The following GRID2 variants were observed in gnomAD, a reference collection of about 807,000 sequenced individuals.
GRID2 encodes the protein glutamate ionotropic receptor delta type subunit 2.
Under a neutral mutation model 114.8 loss-of-function variants are expected in GRID2, and 33 were observed. The observed-to-expected ratio is 0.29, with a 90% CI of 0.22 to 0.38. GRID2 has a LOEUF of 0.38. Ranked by LOEUF, GRID2 falls within the 10% of genes least tolerant of loss-of-function variation. The pLI is 1.00. For synonymous variants in GRID2, 505 were observed against 449.9 expected (o/e 1.12, Z -1.55); for missense variants, 1,184 against 1,257.7 (o/e 0.94, Z 0.89).
intron 1 of GRID2, among the ~76,000 whole-genome samples, chr4:92,357,483 T>G (rs1023100666): frequency 2.0e-5 from 3 of 151,854 alleles, no homozygotes; most frequent in African/African-American, 7.2e-5. Context: ...ACTTTCACTC[T>G]GTTGGTAAGG....
intron 4 of GRID2, among the ~76,000 whole-genome samples, chr4:93,131,052 T>G (rs952601979): frequency 1.3e-5 from 2 of 152,092 alleles, no homozygotes; most frequent in Admixed American, 6.5e-5. Context: ...AAAGTAAAGA[T>G]TTTTTTCTTA....
At chr4:92,992,850 T>C (rs1754988563) in intron 2 of GRID2, among the ~76,000 whole-genome samples, 1 of 152,166 alleles carries the variant, frequency 6.6e-6, no homozygotes, top group African/African-American at 2.4e-5. Flanking sequence ...CTGTCTGCCT[T>C]TTCTCCTCTT....
intron 2 of GRID2, among the ~76,000 whole-genome samples, chr4:92,732,554 G>T (rs1579933832): frequency 2.0e-5 from 3 of 152,002 alleles, no homozygotes; most frequent in Admixed American, 2.0e-4. Context: ...GACATGATTA[G>T]ACTCCACTTA....
intron 3 of GRID2, among the ~76,000 whole-genome samples, chr4:93,108,717 A>G (rs1012112427): frequency 1.9e-4 from 28 of 143,770 alleles, no homozygotes; most frequent in Non-Finnish European, 2.3e-4. Context: ...TGCAACCTCC[A>G]CCTCCCGGGT....
At chr4:93,098,989 CTGTGTGTGTGTGTGTGTG>C (rs71579585) in intron 3 of GRID2, among the ~76,000 whole-genome samples, 44 of 138,908 alleles carry the variant, frequency 3.2e-4, no homozygotes, top group Admixed American at 1.1e-3. Context: ...AGATCATTTC[CTGTGTGTGTGTGTGTGTG>C]TGTGTGTGTG....
intron 2 of GRID2, among the ~76,000 whole-genome samples, chr4:92,875,295 T>C (rs1292328043): frequency 2.0e-5 from 3 of 151,708 alleles, no homozygotes; most frequent in African/African-American, 4.8e-5. Flanking sequence ...TCCTGAGTAG[T>C]TGGTATTACA....
At chr4:92,696,673 C>T (rs957311819) in intron 2 of GRID2, among the ~76,000 whole-genome samples, 3 of 152,048 alleles carry the variant, frequency 2.0e-5, no homozygotes, top group African/African-American at 7.2e-5. Context: ...ATCTAATCTA[C>T]CCATTTGCAA....
intron 1 of GRID2, among the ~76,000 whole-genome samples, chr4:92,384,465 T>G (rs1273573610): frequency 1.9e-5 from 1 of 52,318 alleles, no homozygotes; most frequent in Non-Finnish European, 3.2e-5. Flanking sequence ...TATATATATA[T>G]ATATATATAT....
intron 2 of GRID2, among the ~76,000 whole-genome samples, chr4:92,827,402 TA>T (rs869244288): frequency 0.036 from 4,807 of 134,744 alleles, 88 homozygotes; most frequent in Non-Finnish European, 0.052. Flanking sequence ...TCCTGAGATT[TA>T]AAAAAAAAAA....
At chr4:93,128,695 G>A (rs1270207376) in intron 4 of GRID2, among the ~76,000 whole-genome samples, 2 of 116,858 alleles carry the variant, frequency 1.7e-5, no homozygotes, top group Non-Finnish European at 1.7e-5. Context: ...TACAGAAAGC[G>A]GCATGAGCCT....
chr4:93,433,866 T>C (rs971948435), intron 10 of GRID2, among the ~76,000 whole-genome samples: 4 of 152,324 alleles, frequency 2.6e-5, no homozygotes, highest in African/African-American at 7.2e-5. Context: ...TTTTACACCC[T>C]CGTCATGTTC....
At chr4:93,098,654 G>T (rs1258786535) in intron 3 of GRID2, among the ~76,000 whole-genome samples, 1 of 151,860 alleles carries the variant, frequency 6.6e-6, no homozygotes, top group Admixed American at 6.6e-5. Context: ...CAAACAGTAA[G>T]GTTGATAATG....
chr4:92,333,531 C>T (rs535381653), intron 1 of GRID2, among the ~76,000 whole-genome samples: 47 of 152,250 alleles, frequency 3.1e-4, no homozygotes, highest in South Asian at 6.2e-4. Context: ...TTGGTTTGCT[C>T]TCCTAAATAA....
At chr4:93,417,620 T>C (rs1324646811) in intron 9 of GRID2, among the ~76,000 whole-genome samples, 3 of 152,004 alleles carry the variant, frequency 2.0e-5, no homozygotes, top group Non-Finnish European at 4.4e-5. Context: ...TCCTCTATTT[T>C]CTTTAGATTG....
At chr4:93,379,824 A>C (rs559645811) in intron 8 of GRID2, among the ~76,000 whole-genome samples, 1 of 152,180 alleles carries the variant, frequency 6.6e-6, no homozygotes, top group Non-Finnish European at 1.5e-5. Flanking sequence ...CAGTTTGGTA[A>C]GTACTTTCTC....
intron 11 of GRID2, among the ~76,000 whole-genome samples, chr4:93,485,636 C>T (rs1023567002): frequency 6.6e-6 from 1 of 151,676 alleles, no homozygotes; most frequent in East Asian, 1.9e-4. Context: ...AAAGACCTCC[C>T]TTTCTCTATA....
At chr4:92,543,201 A>G (rs536267954) in intron 1 of GRID2, among the ~76,000 whole-genome samples, 12 of 152,208 alleles carry the variant, frequency 7.9e-5, no homozygotes, top group East Asian at 7.7e-4. Flanking sequence ...ACACACTACT[A>G]TGTTATTTCT....
At chr4:93,338,164 A>G (rs546711470) in intron 8 of GRID2, among the ~76,000 whole-genome samples, 88 of 152,252 alleles carry the variant, frequency 5.8e-4, no homozygotes, top group African/African-American at 2.0e-3. Context: ...TTGCTACAAT[A>G]CATAACAGTT....
intron 2 of GRID2, among the ~76,000 whole-genome samples, chr4:92,837,212 T>G (rs1403084963): frequency 6.6e-6 from 1 of 152,040 alleles, no homozygotes; most frequent in Non-Finnish European, 1.5e-5. Context: ...GGCCTGGTGT[T>G]TCATTGTCTG....
Sources: allele counts gnomAD v4.1 joint callset (sites outside exome capture counted in the v4.1 genomes callset), GRCh38; gene constraint gnomAD v4.1.1; transcripts MANE v1.5; gene names NCBI Gene and HGNC (gene_info 2026-07-23, HGNC 2026-07-21).